Variants in PLA2G5 observed in about 807,000 individuals in gnomAD.
The protein encoded by PLA2G5 is Ca2+-dependent phospholipase A2.
PLA2G5 carries 12 observed loss-of-function variants against 15.9 expected under a neutral mutation model. The observed-to-expected ratio is 0.76, with a 90% confidence interval of 0.48 to 1.23. The LOEUF (loss-of-function observed/expected upper bound fraction) is 1.23. Ranked by LOEUF, PLA2G5 falls within the 50% of genes most tolerant of loss-of-function variation. PLA2G5 has a pLI of 0.00. For synonymous variants in PLA2G5, 71 were observed against 71.4 expected, an observed-to-expected ratio of 0.99 and a Z score of 0.03; for missense variants, 169 against 177.1, an observed-to-expected ratio of 0.95 and a Z score of 0.26.
At chr1:20,070,673 G>C (rs1383932612) in intron 1 of PLA2G5, among the ~76,000 whole-genome samples, 2 of 152,206 alleles carry the variant, frequency 1.3e-5, no homozygotes, top group Non-Finnish European at 2.9e-5. Flanking sequence ...TTTTAAGGAG[G>C]CCAGGCCACA....
chr1:20,089,349 G>C (rs11573286), intron 3 of PLA2G5, among the ~76,000 whole-genome samples: 22 of 152,318 alleles, frequency 1.4e-4, no homozygotes, highest in Admixed American at 4.6e-4. Context: ...TCACACGTTG[G>C]CTCCTCCCAT....
chr1:20,090,053 C>T (rs2016493037), intron 4 of PLA2G5, among the ~76,000 whole-genome samples, 158 bp downstream of exon 4: 2 of 152,184 alleles, frequency 1.3e-5, no homozygotes, highest in Admixed American at 6.5e-5. Context: ...ATCAGACCCC[C>T]AGGGTAGGGC....
intron 1 of PLA2G5, among the ~76,000 whole-genome samples, chr1:20,037,799 A>T (rs960582940): frequency 1.3e-5 from 2 of 151,964 alleles, no homozygotes; most frequent in Non-Finnish European, 2.9e-5. Context: ...AATGGGCGGG[A>T]TCATAGAGCT....
At chr1:20,074,297 T>C (rs961700853) in intron 1 of PLA2G5, among the ~76,000 whole-genome samples, 2 of 152,112 alleles carry the variant, frequency 1.3e-5, no homozygotes, top group African/African-American at 2.4e-5. Context: ...TCTTGTAACA[T>C]ATCTGCACAC....
chr1:20,061,180 C>T (rs1004171437), intron 2 of PLA2G5, among the ~76,000 whole-genome samples: 24 of 152,194 alleles, frequency 1.6e-4, no homozygotes, highest in African/African-American at 5.8e-4. Context: ...ACCTCTTCAT[C>T]TTTTCCAGAG....
chr1:20,077,594 T>C (rs1446088105), intron 1 of PLA2G5, among the ~76,000 whole-genome samples: 1 of 152,218 alleles, frequency 6.6e-6, no homozygotes, highest in Non-Finnish European at 1.5e-5. Context: ...ATGGTAGTTA[T>C]GACTTACTGA....
At chr1:20,082,691 G>A (rs559370917) in intron 1 of PLA2G5, among the ~76,000 whole-genome samples, 1 of 151,924 alleles carries the variant, frequency 6.6e-6, no homozygotes, top group Non-Finnish European at 1.5e-5. Flanking sequence ...GTCTGTATAT[G>A]AAAGGCATGC....
At chr1:20,067,286 C>A (rs539264652), upstream of PLA2G5, among the ~76,000 whole-genome samples, 17 of 152,140 alleles carry the variant, frequency 1.1e-4, no homozygotes, top group African/African-American at 4.1e-4. Flanking sequence ...AGGTGTGAGC[C>A]ATCTCATCCA....
upstream of PLA2G5, among the ~76,000 whole-genome samples, chr1:20,067,083 C>T (rs967089924): frequency 1.3e-5 from 2 of 152,038 alleles, no homozygotes; most frequent in Non-Finnish European, 2.9e-5. Context: ...GCAGCCTCTG[C>T]CTGTGAGGCT....
chr1:20,076,418 C>G (rs2015683218), intron 1 of PLA2G5, among the ~76,000 whole-genome samples: 1 of 152,226 alleles, frequency 6.6e-6, no homozygotes, highest in Non-Finnish European at 1.5e-5. Flanking sequence ...AACCACGTGA[C>G]ACTCTGGTTA....
intron 2 of PLA2G5, among the ~76,000 whole-genome samples, chr1:20,063,308 T>G (rs1328582259): frequency 6.6e-6 from 1 of 152,244 alleles, no homozygotes; most frequent in Non-Finnish European, 1.5e-5. Context: ...TTCAGTCGAC[T>G]TTCTGAGTCT....
intron 1 of PLA2G5, among the ~76,000 whole-genome samples, chr1:20,080,977 C>T (rs1382531798): frequency 1.3e-5 from 2 of 151,834 alleles, no homozygotes; most frequent in Non-Finnish European, 2.9e-5. Context: ...CAGTGCCTTC[C>T]GTGCAATGAG....
intron 1 of PLA2G5, among the ~76,000 whole-genome samples, chr1:20,056,578 G>C (rs1056141860): frequency 6.6e-6 from 1 of 152,082 alleles, no homozygotes; most frequent in Non-Finnish European, 1.5e-5. Context: ...CTTGGTTGTG[G>C]TGTGTAATTC....
chr1:20,055,922 G>C (rs139789663), intron 1 of PLA2G5, among the ~76,000 whole-genome samples: 2 of 152,148 alleles, frequency 1.3e-5, no homozygotes, highest in Non-Finnish European at 1.5e-5. Context: ...ATCAGAGAAG[G>C]TTCTCTAGGA....
At position 20,090,671 on chromosome 1, in the gene PLA2G5, T is replaced by G; in HGVS notation, c.396T>G (p.Phe132Leu). Residue 132 changes from phenylalanine to leucine, a missense_variant, in exon 5 of 5, where the codon TTT becomes TTG. Coordinates refer to ENST00000375108, the MANE Select transcript of PLA2G5 (RefSeq NM_000929.3). ...LRSYNPQYQY[F>L]PNILCS ...GCTACAACCCACAGTACCAATACTT[T>G]CCCAACATCCTCTGCTCCTAGGCCT... 1 of 1,614,110 alleles carries G rather than the reference T, an allele frequency of 6.2e-7. No homozygotes were observed. The highest frequency in any genetic ancestry group is 1.1e-5 in the South Asian group (1 of 91,080).
chr1:20,036,887 A>T (rs1313369231), intron 1 of PLA2G5, among the ~76,000 whole-genome samples: 3 of 150,332 alleles, frequency 2.0e-5, no homozygotes, highest in African/African-American at 7.4e-5. Flanking sequence ...CTGGTCTCGA[A>T]CTCCCGACCT....
chr1:20,028,586 A>G (rs567838024), exon 1 of PLA2G5: 11 of 152,270 alleles, frequency 7.2e-5, no homozygotes, highest in Non-Finnish European at 7.3e-5. Flanking sequence ...GTTCGACTTT[A>G]GAGTTGTTTT....
chr1:20,073,818 C>T lies in PLA2G5; in HGVS notation c.-11+3353C>T, dbSNP rs190467371. ...CTGAGAGGCGGAGGTTGCAGTGAGC[C>T]GAGATCACACCATTGCACTCCAGCC... On this transcript the variant is annotated intron_variant, in intron 1 of 4. Transcript: ENST00000375108. Among the ~76,000 whole-genome samples, 293 of 151,378 alleles carry T rather than the reference C, an allele frequency of 1.9e-3. 1 individual carries two copies. The highest frequency in any genetic ancestry group is 6.6e-3 in the African/African-American group (273 of 41,152).
At chr1:20,081,285 T>C (rs892586778) in intron 1 of PLA2G5, among the ~76,000 whole-genome samples, 1 of 151,872 alleles carries the variant, frequency 6.6e-6, no homozygotes, top group Non-Finnish European at 1.5e-5. Context: ...CTCTCCACTC[T>C]TCGGGGCAGC....
Sources: allele counts gnomAD v4.1 joint callset (sites outside exome capture counted in the v4.1 genomes callset), GRCh38; gene constraint gnomAD v4.1.1; transcripts MANE v1.5; gene names NCBI Gene and HGNC (gene_info 2026-07-23, HGNC 2026-07-21).